Variants in ARHGAP26 observed in about 807,000 individuals in gnomAD.
The protein encoded by ARHGAP26 is Rho GTPase activating protein 26.
A neutral mutation model predicts 104.8 loss-of-function variants in ARHGAP26; 38 were observed. The observed-to-expected ratio is 0.36, with a 90% confidence interval of 0.28 to 0.48. The LOEUF (loss-of-function observed/expected upper bound fraction) is 0.48. ARHGAP26 is among the 20% of genes least tolerant of loss of function. The pLI, the probability that ARHGAP26 is intolerant of heterozygous loss-of-function variation, is 0.99. For synonymous variants in ARHGAP26, 341 were observed against 340.0 expected, an observed-to-expected ratio of 1.00 and a Z score of -0.03; for missense variants, 704 against 947.9, an observed-to-expected ratio of 0.74 and a Z score of 3.38.
intron 1 of ARHGAP26, among the ~76,000 whole-genome samples, chr5:142,795,513 G>A (rs903393627): frequency 7.2e-5 from 11 of 152,218 alleles, no homozygotes; most frequent in African/African-American, 2.6e-4. Context: ...CATTTCTGGT[G>A]TGTTCAGGAA....
chr5:142,905,766 A>G (rs1244575691), intron 8 of ARHGAP26, among the ~76,000 whole-genome samples: 4 of 152,344 alleles, frequency 2.6e-5, no homozygotes, highest in Admixed American at 2.0e-4. Context: ...TAAAATCGCA[A>G]TTGAACTCTT....
intron 1 of ARHGAP26, among the ~76,000 whole-genome samples, chr5:142,811,601 G>C (rs969035432): frequency 2.0e-5 from 3 of 152,186 alleles, no homozygotes; most frequent in African/African-American, 7.2e-5. Context: ...CTGAGGGACA[G>C]AATCATGCCT....
intron 6 of ARHGAP26, among the ~76,000 whole-genome samples, chr5:142,894,633 G>C (rs1028028921): frequency 6.6e-6 from 1 of 152,184 alleles, no homozygotes; most frequent in Non-Finnish European, 1.5e-5. Flanking sequence ...AGTGGAAATG[G>C]GAGTCCAGAG....
rs143233610 is a variant in ARHGAP26 at position 142,986,862 on chromosome 5, G to A, written c.1108-27218G>A. On this transcript the variant is annotated intron_variant, in intron 11 of 22. Coordinates refer to ENST00000645722, the MANE Select transcript of ARHGAP26 (RefSeq NM_001135608.3). Reference sequence around the variant, plus strand: ...GGGCTCTGTTCTGTTCAATTGGTCTGTATCTCTGTTTTGGTACCAGTACCA... The same window carrying A: ...GGGCTCTGTTCTGTTCAATTGGTCTATATCTCTGTTTTGGTACCAGTACCA... Among the ~76,000 whole-genome samples, 4 of 152,114 alleles carry A rather than the reference G, an allele frequency of 2.6e-5. No individual in the cohort carries two copies. The East Asian group carries it at 5.8e-4, about 22-fold the overall frequency.
intron 1 of ARHGAP26, among the ~76,000 whole-genome samples, chr5:142,828,506 G>A (rs986819805): frequency 2.0e-5 from 3 of 152,186 alleles, no homozygotes; most frequent in Non-Finnish European, 2.9e-5. Context: ...ACATGGAGAA[G>A]GAAATTAACA....
At chr5:142,963,187 T>TATATATATATATATATATATATACAC (rs1562164634) in intron 11 of ARHGAP26, among the ~76,000 whole-genome samples, 1 of 96,202 alleles carries the variant, frequency 1.0e-5, no homozygotes, top group African/African-American at 5.7e-5. Flanking sequence ...TATATATATA[T>TATATATATATATATATATATATACAC]ATATATATAT....
rs576665219 is a variant in ARHGAP26 at position 142,771,545 on chromosome 5, A to G, written c.154+630A>G. Among the ~76,000 whole-genome samples, 7 of 152,284 alleles carry G rather than the reference A, an allele frequency of 4.6e-5. No homozygotes were observed. The East Asian group carries it at 1.3e-3, about 29-fold the overall frequency. The stretch of plus-strand genomic sequence containing the variant: ...GGTTCTGATTCTTGTGTTTAGCAGA[A>G]GGTGATAGGGGTGGGAGTAGAGAAT... On this transcript the variant is annotated intron_variant, in intron 1 of 22. Coordinates refer to ENST00000645722, the MANE Select transcript of ARHGAP26 (RefSeq NM_001135608.3).
At chr5:143,160,005 C>A (rs915187014) in intron 20 of ARHGAP26, among the ~76,000 whole-genome samples, 1 of 150,470 alleles carries the variant, frequency 6.6e-6, no homozygotes, top group African/African-American at 2.5e-5. Flanking sequence ...TTTGAAATGA[C>A]CATTCATTCA....
At chr5:143,073,520 C>T (rs1409625800) in intron 17 of ARHGAP26, among the ~76,000 whole-genome samples, 2 of 152,130 alleles carry the variant, frequency 1.3e-5, no homozygotes, top group African/African-American at 4.8e-5. Context: ...ATCTATGAGG[C>T]TAATTATTTA....
chr5:142,842,678 CTATGTCT>C (rs1451559047), intron 1 of ARHGAP26, among the ~76,000 whole-genome samples: 1 of 152,220 alleles, frequency 6.6e-6, no homozygotes, highest in Admixed American at 6.5e-5. Context: ...CCTATCAGCC[CTATGTCT>C]TTGGGCAGGC....
chr5:142,774,271 A>G (rs1755835342), intron 1 of ARHGAP26, among the ~76,000 whole-genome samples: 1 of 152,254 alleles, frequency 6.6e-6, no homozygotes, highest in Admixed American at 6.5e-5. Context: ...TAGTTTTTAT[A>G]TAACATTGGC....
chr5:143,104,321 C>T (rs1048113699), intron 17 of ARHGAP26, among the ~76,000 whole-genome samples: 4 of 152,032 alleles, frequency 2.6e-5, no homozygotes, highest in African/African-American at 9.7e-5. Context: ...ACCAGCCTGA[C>T]CAACATGGTG....
At chr5:143,050,403 T>C (rs576678351) in intron 14 of ARHGAP26, among the ~76,000 whole-genome samples, 41 of 152,172 alleles carry the variant, frequency 2.7e-4, no homozygotes, top group African/African-American at 9.4e-4. Context: ...GAGAACACAA[T>C]GAAGGTATTA....
At chr5:143,014,396 C>T (rs569961904) in intron 12 of ARHGAP26, 20 of 499,374 alleles carry the variant, frequency 4.0e-5, no homozygotes, top group South Asian at 1.2e-4. Flanking sequence ...CTCCTTTAAT[C>T]GTAGGTCTTA....
intron 14 of ARHGAP26, among the ~76,000 whole-genome samples, chr5:143,044,192 G>GA (rs113453963): frequency 1.1e-4 from 16 of 150,732 alleles, no homozygotes; most frequent in Non-Finnish European, 1.5e-4. Context: ...AGTTTACAAG[G>GA]AAAAAAAAAG....
At chr5:142,912,099 C>T (rs866360576) in intron 9 of ARHGAP26, among the ~76,000 whole-genome samples, 2,032 of 152,260 alleles carry the variant, frequency 0.013, 47 homozygotes, top group African/African-American at 0.047. Context: ...GAAACAGAAA[C>T]CCTAACAAAT....
intron 11 of ARHGAP26, among the ~76,000 whole-genome samples, chr5:142,938,388 T>G (rs978584114): frequency 2.0e-5 from 3 of 152,210 alleles, no homozygotes; most frequent in Non-Finnish European, 4.4e-5. Context: ...GTTTTACTTT[T>G]GTGTGGCCAT....
intron 4 of ARHGAP26, among the ~76,000 whole-genome samples, chr5:142,879,986 G>A (rs908469121): frequency 9.2e-5 from 14 of 152,138 alleles, no homozygotes; most frequent in African/African-American, 3.1e-4. Context: ...AAACTGAAAA[G>A]CCAGTTTTAT....
intron 19 of ARHGAP26, among the ~76,000 whole-genome samples, chr5:143,146,716 G>A (rs1478052302): frequency 6.6e-6 from 1 of 152,250 alleles, no homozygotes; most frequent in Non-Finnish European, 1.5e-5. Context: ...ATTTAGACTG[G>A]TGGAGTCGTA....
Sources: allele counts gnomAD v4.1 joint callset (sites outside exome capture counted in the v4.1 genomes callset), GRCh38; gene constraint gnomAD v4.1.1; transcripts MANE v1.5; gene names NCBI Gene and HGNC (gene_info 2026-07-23, HGNC 2026-07-21).